Variants in CSMD2 observed in about 807,000 individuals in gnomAD.
CSMD2 encodes the protein CUB and Sushi multiple domains 2, also known as CUB and sushi domain-containing protein 2.
In CSMD2, 130 loss-of-function variants were observed where a neutral mutation model predicts 398.5. That is an observed-to-expected ratio of 0.33 (90% CI 0.28 to 0.38). The LOEUF is 0.38. Ranked by LOEUF, CSMD2 falls within the 10% of genes least tolerant of loss-of-function variation. The pLI is 1.00. For synonymous variants in CSMD2, 1,828 were observed against 1,908.5 expected, an observed-to-expected ratio of 0.96 and a Z score of 1.10; for missense variants, 3,829 against 4,764.9, an observed-to-expected ratio of 0.80 and a Z score of 5.78.
Position 33,820,571 on chromosome 1 carries a change from A to C in CSMD2, c.1112-15T>G. On this transcript the variant is annotated splice_polypyrimidine_tract_variant and intron_variant, in intron 7 of 70. Transcript: ENST00000373381. ...AACCTGAGTTACTACAAGGCAAAAAAAAAAAAAAAAAAAAAAACAGCACAC... is the reference window on the plus strand; with the variant it reads ...AACCTGAGTTACTACAAGGCAAAAACAAAAAAAAAAAAAAAAACAGCACAC... The C allele has an allele frequency of 9.5e-7, 1 of 1,055,372 alleles. No individual in the cohort carries two copies. The highest frequency in any genetic ancestry group is 2.0e-5 in the Admixed American group (1 of 49,392). The allele number at this position is 1,055,372 out of a possible 1,614,324, so 65.4% of individuals were successfully genotyped here.
intron 64 of CSMD2, among the ~76,000 whole-genome samples, chr1:33,530,051 C>T (rs1655103143): frequency 6.6e-6 from 1 of 152,086 alleles, no homozygotes; most frequent in African/African-American, 2.4e-5. Flanking sequence ...ATCATTTTTG[C>T]ACAATGATAC....
intron 4 of CSMD2, among the ~76,000 whole-genome samples, chr1:33,923,763 C>T (rs1644029661): frequency 6.6e-6 from 1 of 152,136 alleles, no homozygotes; most frequent in Admixed American, 6.5e-5. Context: ...GGTCCCCAAC[C>T]CCTAGGCCAT....
At chr1:34,081,910 G>A (rs1467994179) in intron 2 of CSMD2, among the ~76,000 whole-genome samples, 72 of 151,782 alleles carry the variant, frequency 4.7e-4, no homozygotes, top group African/African-American at 1.6e-3. Flanking sequence ...AGTCTGGGAA[G>A]TGAGGAGCGT....
At chr1:34,154,692 T>C (rs1224115773) in intron 1 of CSMD2, among the ~76,000 whole-genome samples, 1 of 149,880 alleles carries the variant, frequency 6.7e-6, no homozygotes, top group East Asian at 2.0e-4. Flanking sequence ...TACATATACA[T>C]ACAAACAACC....
chr1:34,061,199 C>T (rs1451810112), intron 2 of CSMD2, among the ~76,000 whole-genome samples: 1 of 152,160 alleles, frequency 6.6e-6, no homozygotes, highest in East Asian at 1.9e-4. Context: ...GAGGACCTCT[C>T]CTTACAACAA....
At chr1:33,566,306 CAAA>C (rs36061027) in intron 53 of CSMD2, among the ~76,000 whole-genome samples, 8 of 148,468 alleles carry the variant, frequency 5.4e-5, no homozygotes, top group South Asian at 2.1e-4. Context: ...TCAGGAACCT[CAAA>C]AAAAAAAAAC....
At chr1:34,088,353 C>A (rs1023221750) in intron 2 of CSMD2, among the ~76,000 whole-genome samples, 1 of 152,198 alleles carries the variant, frequency 6.6e-6, no homozygotes, top group Non-Finnish European at 1.5e-5. Flanking sequence ...ACCTTTGCCC[C>A]AGAAAAGTCT....
intron 3 of CSMD2, among the ~76,000 whole-genome samples, chr1:33,966,280 C>T (rs1175119823): frequency 1.3e-5 from 2 of 152,166 alleles, no homozygotes; most frequent in African/African-American, 4.8e-5. Flanking sequence ...CCTGCCCATC[C>T]CTAGAAGCAA....
chr1:33,698,105 G>C (rs1645482484), intron 24 of CSMD2, among the ~76,000 whole-genome samples: 1 of 152,122 alleles, frequency 6.6e-6, no homozygotes, highest in Non-Finnish European at 1.5e-5. Context: ...AGGCCAAACA[G>C]AACAACCAAT....
chr1:33,810,849 G>A lies in CSMD2; in HGVS notation c.1340C>T (p.Ala447Val). Residue 447 changes from alanine (A) to valine (V), a missense_variant, in exon 10 of 71, where the codon GCC becomes GTC. Coordinates refer to ENST00000373381, the MANE Select transcript of CSMD2 (RefSeq NM_001281956.2). ...RPVCRARMCD[A>V]HLRGPSGIIT... is the part of the protein sequence containing the mutation. ...GATGCCCGAGGGGCCTCGAAGGTGG[G>A]CATCACACATGCGGGCTGCAGAGGA... The A allele has an allele frequency of 1.2e-6, 2 of 1,612,134 alleles. No individual in the cohort carries two copies. Among genetic ancestry groups the A allele is most frequent in the African/African-American group, 1.3e-5 (1 of 74,818 alleles).
intron 5 of CSMD2, among the ~76,000 whole-genome samples, chr1:33,890,630 A>C (rs1411703087): frequency 6.6e-6 from 1 of 151,992 alleles, no homozygotes; most frequent in Non-Finnish European, 1.5e-5. Flanking sequence ...GCATCATGCT[A>C]CCTGACTTCA....
At chr1:34,023,954 C>T (rs1204372783) in intron 3 of CSMD2, among the ~76,000 whole-genome samples, 1 of 149,020 alleles carries the variant, frequency 6.7e-6, no homozygotes, top group Non-Finnish European at 1.5e-5. Flanking sequence ...AGGCACTTGT[C>T]ACGCACTGAC....
chr1:33,899,079 C>T (rs1443338166), intron 5 of CSMD2, among the ~76,000 whole-genome samples: 5 of 152,294 alleles, frequency 3.3e-5, no homozygotes, highest in South Asian at 2.1e-4. Flanking sequence ...AGACCAGCAA[C>T]GAGAAGGACG....
At chr1:34,094,241 A>C (rs1658997025) in intron 1 of CSMD2, among the ~76,000 whole-genome samples, 1 of 152,154 alleles carries the variant, frequency 6.6e-6, no homozygotes, top group Non-Finnish European at 1.5e-5. Context: ...CCTGCCCTAA[A>C]AGAGCTCCTG....
At chr1:34,154,782 C>A in intron 1 of CSMD2, among the ~76,000 whole-genome samples, 1 of 143,066 alleles carries the variant, frequency 7.0e-6, no homozygotes, top group African/African-American at 2.6e-5. Context: ...GGCTGGAGTG[C>A]AGTGATGCAA....
At chr1:33,904,892 C>T (rs149911815) in intron 5 of CSMD2, among the ~76,000 whole-genome samples, 7,834 of 152,142 alleles carry the variant, frequency 0.051, 229 homozygotes, top group Middle Eastern at 0.11. Flanking sequence ...ATCATCTGCC[C>T]GCCTCGGCCT....
chr1:33,670,224 T>C (rs1021035669), intron 25 of CSMD2, among the ~76,000 whole-genome samples: 1 of 152,190 alleles, frequency 6.6e-6, no homozygotes, highest in Non-Finnish European at 1.5e-5. Flanking sequence ...AGTCATCCAT[T>C]GACTTCCCTG....
chr1:33,912,701 A>G (rs892067279), intron 5 of CSMD2, among the ~76,000 whole-genome samples: 2 of 151,838 alleles, frequency 1.3e-5, no homozygotes, highest in African/African-American at 4.8e-5. Flanking sequence ...CTCTGTGAGC[A>G]CCCCAGTACA....
At chr1:33,634,580 T>TTCA (rs1642681274) in intron 31 of CSMD2, among the ~76,000 whole-genome samples, 1 of 152,222 alleles carries the variant, frequency 6.6e-6, no homozygotes, top group South Asian at 2.1e-4. Context: ...TCTTCCTGAA[T>TTCA]GCCTCCAAGG....
Sources: allele counts gnomAD v4.1 joint callset (sites outside exome capture counted in the v4.1 genomes callset), GRCh38; gene constraint gnomAD v4.1.1; transcripts MANE v1.5; gene names NCBI Gene and HGNC (gene_info 2026-07-23, HGNC 2026-07-21).